NRXN1: variants seen among roughly 807,000 people sequenced by gnomAD.
NRXN1 encodes neurexin-1.
In NRXN1, 39 loss-of-function variants were observed where a neutral mutation model predicts 150.9. That is an observed-to-expected ratio of 0.26 (90% confidence interval 0.20 to 0.34). NRXN1 has a LOEUF of 0.34. Ranked by LOEUF, NRXN1 falls within the 10% of genes least tolerant of loss-of-function variation. The probability of loss-of-function intolerance (pLI) is 1.00; values close to 1 mark genes in which losing one functional copy is unlikely to be tolerated. For synonymous variants in NRXN1, 924 were observed against 757.0 expected (o/e 1.22, Z -3.62); for missense variants, 1,815 against 1,949.9 (o/e 0.93, Z 1.30).
At chr2:50,824,441 G>C (rs1247557566) in intron 5 of NRXN1, among the ~76,000 whole-genome samples, 1 of 152,064 alleles carries the variant, frequency 6.6e-6, no homozygotes. Flanking sequence ...TGTAGGGAAA[G>C]GTGATGCCTA....
At chr2:50,562,829 T>C (rs181532037) in intron 8 of NRXN1, among the ~76,000 whole-genome samples, 26 of 152,254 alleles carry the variant, frequency 1.7e-4, no homozygotes, top group Non-Finnish European at 3.4e-4. Context: ...GTTTTATTGA[T>C]GTTTATTTTT....
At chr2:50,858,308 G>A (rs567523664) in intron 5 of NRXN1, among the ~76,000 whole-genome samples, 7 of 152,086 alleles carry the variant, frequency 4.6e-5, no homozygotes. Context: ...AACATAAGAA[G>A]CACCACCATT....
chr2:50,940,301 C>T (rs575206839), intron 2 of NRXN1, among the ~76,000 whole-genome samples: 1 of 151,864 alleles, frequency 6.6e-6, no homozygotes, highest in Non-Finnish European at 1.5e-5. Context: ...ATGGTGAAAC[C>T]CCATCTCTAC....
chr2:50,367,098 T>C (rs1198386679), intron 17 of NRXN1, among the ~76,000 whole-genome samples: 2 of 151,952 alleles, frequency 1.3e-5, no homozygotes, highest in African/African-American at 4.8e-5. Context: ...TTTGGGTTTC[T>C]CCAGATGCAT....
intron 5 of NRXN1, among the ~76,000 whole-genome samples, chr2:50,671,981 T>G (rs1177965066): frequency 6.6e-6 from 1 of 151,884 alleles, no homozygotes; most frequent in Non-Finnish European, 1.5e-5. Context: ...AGTTTTCAAC[T>G]TTTAAATAAA....
chr2:49,990,471 T>A (rs1275410599), intron 21 of NRXN1, among the ~76,000 whole-genome samples: 1 of 152,108 alleles, frequency 6.6e-6, no homozygotes, highest in African/African-American at 2.4e-5. Context: ...ATGACATAAT[T>A]TTATTTATAT....
chr2:50,016,117 G>A (rs1686545735), intron 21 of NRXN1, among the ~76,000 whole-genome samples: 1 of 152,002 alleles, frequency 6.6e-6, no homozygotes, highest in Admixed American at 6.6e-5. Flanking sequence ...AAGACCCATG[G>A]ACTAAAGGTA....
At chr2:50,888,231 C>T (rs1032176718) in intron 5 of NRXN1, among the ~76,000 whole-genome samples, 1 of 151,420 alleles carries the variant, frequency 6.6e-6, no homozygotes, top group Non-Finnish European at 1.5e-5. Context: ...AAACACAACG[C>T]AAAAACCTTT....
intron 17 of NRXN1, among the ~76,000 whole-genome samples, chr2:50,386,380 A>G (rs1415348551): frequency 1.3e-5 from 2 of 152,120 alleles, no homozygotes; most frequent in Admixed American, 6.6e-5. Flanking sequence ...AGTGATCTCA[A>G]CACAAGCCAA....
chr2:50,116,498 C>A (rs1278750349), intron 18 of NRXN1, among the ~76,000 whole-genome samples: 4 of 152,060 alleles, frequency 2.6e-5, no homozygotes, highest in Admixed American at 6.6e-5. Context: ...TTCCTGAACT[C>A]TCTGGAAATG....
At chr2:50,746,255 C>T (rs1259671199) in intron 5 of NRXN1, among the ~76,000 whole-genome samples, 1 of 151,982 alleles carries the variant, frequency 6.6e-6, no homozygotes, top group Admixed American at 6.6e-5. Flanking sequence ...AAGCGTACTA[C>T]TGTATCAATG....
intron 5 of NRXN1, among the ~76,000 whole-genome samples, chr2:50,802,152 C>T (rs1707681863): frequency 6.6e-6 from 1 of 152,104 alleles, no homozygotes; most frequent in Admixed American, 6.6e-5. Flanking sequence ...CAAAAGGATA[C>T]ACTGATGTCC....
At chr2:50,152,074 C>A (rs1360820652) in intron 18 of NRXN1, among the ~76,000 whole-genome samples, 2 of 151,560 alleles carry the variant, frequency 1.3e-5, no homozygotes, top group African/African-American at 4.8e-5. Flanking sequence ...ACTGTCTTAA[C>A]CATTTTAAGT....
rs147821412 is a variant in NRXN1 at position 50,392,423 on chromosome 2, T to G, written c.3364+73019A>C. Among the ~76,000 whole-genome samples, 66 of 152,244 alleles carry G rather than the reference T, an allele frequency of 4.3e-4. 1 individual carries two copies. In the East Asian group the frequency reaches 0.011, roughly 26 times the overall value. ...GCCCTGACTGTAAAACATTGCCAGATGATAGGATCATAGAAGAGGAATAGA... is the reference window on the plus strand; with the variant it reads ...GCCCTGACTGTAAAACATTGCCAGAGGATAGGATCATAGAAGAGGAATAGA... On this transcript the variant is annotated intron_variant, in intron 17 of 22. Transcript: ENST00000401669.
intron 8 of NRXN1, among the ~76,000 whole-genome samples, chr2:50,563,530 T>G (rs140034654): frequency 3.9e-5 from 6 of 152,112 alleles, no homozygotes. Context: ...GTAAATGAGA[T>G]GAATTATTCT....
At chr2:50,585,809 T>G (rs1282962480) in intron 8 of NRXN1, among the ~76,000 whole-genome samples, 1 of 152,156 alleles carries the variant, frequency 6.6e-6, no homozygotes, top group East Asian at 1.9e-4. Context: ...TTCATTCATA[T>G]TGCCAACTTC....
chr2:50,754,526 A>C (rs1700965087), intron 5 of NRXN1, among the ~76,000 whole-genome samples: 1 of 151,906 alleles, frequency 6.6e-6, no homozygotes, highest in Non-Finnish European at 1.5e-5. Context: ...TTCACTGTGA[A>C]ATATGAACAC....
intron 2 of NRXN1, among the ~76,000 whole-genome samples, chr2:51,006,963 T>C (rs546350926): frequency 1.3e-5 from 2 of 151,978 alleles, no homozygotes; most frequent in East Asian, 3.9e-4. Context: ...TAAATGTCTA[T>C]ATTCACCTAT....
rs531716281 is a variant in NRXN1 at position 50,153,679 on chromosome 2, A to C, written c.3547-62185T>G. ...GTTGCTTTTGAATGTCTAAATCTTT[A>C]TTTTCTGGCTCCAAAAAAAGAAAGA... On this transcript the variant is annotated intron_variant, in intron 18 of 22. Transcript: ENST00000401669. 1.2e-4 allele frequency among the ~76,000 whole-genome samples: 18 copies of C among 151,782 alleles called. No individual in the cohort carries two copies. The South Asian group carries it at 3.5e-3, about 30-fold the overall frequency.
Sources: allele counts gnomAD v4.1 joint callset (sites outside exome capture counted in the v4.1 genomes callset), GRCh38; gene constraint gnomAD v4.1.1; transcripts MANE v1.5; gene names NCBI Gene and HGNC (gene_info 2026-07-23, HGNC 2026-07-21).